Variants in FMN1 observed in about 807,000 individuals in gnomAD.
FMN1 encodes the protein formin 1.
FMN1 carries 110 observed loss-of-function variants against 132.4 expected under a neutral mutation model. That is an observed-to-expected ratio of 0.83 (90% CI 0.71 to 0.97). The LOEUF is 0.97. FMN1 is among the 50% of genes least tolerant of loss of function. The pLI, the probability that FMN1 is intolerant of heterozygous loss-of-function variation, is 0.00. For synonymous variants in FMN1, 722 were observed against 651.7 expected (o/e 1.11, Z -1.64); for missense variants, 1,792 against 1,705.3 (o/e 1.05, Z -0.90).
intron 7 of FMN1, among the ~76,000 whole-genome samples, chr15:32,995,858 G>GC (rs1450419832): frequency 6.6e-5 from 10 of 152,168 alleles, no homozygotes; most frequent in Non-Finnish European, 2.9e-5. Flanking sequence ...TAAAACTATG[G>GC]CAACAGTAAT....
chr15:33,146,825 G>C (rs1443412252), intron 4 of FMN1, among the ~76,000 whole-genome samples: 1 of 152,154 alleles, frequency 6.6e-6, no homozygotes, highest in South Asian at 2.1e-4. Flanking sequence ...CAAGAGGAAG[G>C]GGGTGGGGCC....
intron 16 of FMN1, among the ~76,000 whole-genome samples, chr15:32,857,743 A>G (rs1368267748): frequency 6.6e-6 from 1 of 152,232 alleles, no homozygotes; most frequent in Non-Finnish European, 1.5e-5. Context: ...TTTGTAATAG[A>G]GTACTTTTTG....
At chr15:33,044,975 T>C (rs2036610024) in intron 6 of FMN1, among the ~76,000 whole-genome samples, 1 of 152,184 alleles carries the variant, frequency 6.6e-6, no homozygotes, top group South Asian at 2.1e-4. Context: ...AACATGCCCC[T>C]TGCTTGCCAC....
chr15:32,903,433 A>C (rs2060344403), intron 12 of FMN1, among the ~76,000 whole-genome samples: 1 of 152,206 alleles, frequency 6.6e-6, no homozygotes, highest in Non-Finnish European at 1.5e-5. Context: ...AGAAGCAAAA[A>C]GCTCACAAGA....
chr15:32,997,748 A>AT (rs2033860169), intron 7 of FMN1, among the ~76,000 whole-genome samples: 1 of 151,896 alleles, frequency 6.6e-6, no homozygotes, highest in Non-Finnish European at 1.5e-5. Context: ...ACCATACCCA[A>AT]TTTTTTACAC....
chr15:33,040,918 G>T (rs2036405149), intron 6 of FMN1, among the ~76,000 whole-genome samples: 1 of 152,162 alleles, frequency 6.6e-6, no homozygotes, highest in African/African-American at 2.4e-5. Flanking sequence ...AGAGTCACTG[G>T]ATACTTTGGT....
intron 10 of FMN1, among the ~76,000 whole-genome samples, chr15:32,925,965 T>C (rs1451226213): frequency 2.0e-5 from 3 of 152,180 alleles, no homozygotes; most frequent in Non-Finnish European, 4.4e-5. Context: ...AGATGACTTA[T>C]AAAGCATCTG....
chr15:33,081,089 G>A (rs756793973), intron 5 of FMN1, among the ~76,000 whole-genome samples: 11 of 152,128 alleles, frequency 7.2e-5, no homozygotes, highest in Middle Eastern at 6.8e-3. Context: ...CTGCACGGAG[G>A]GTACTCCACG....
chr15:32,896,150 CAT>C (rs1291647512), intron 15 of FMN1, among the ~76,000 whole-genome samples: 7 of 152,084 alleles, frequency 4.6e-5, no homozygotes, highest in African/African-American at 1.4e-4. Context: ...ATACTTGACA[CAT>C]ATTTATTTAG....
intron 16 of FMN1, among the ~76,000 whole-genome samples, chr15:32,873,865 GTC>G (rs2059574996): frequency 6.6e-6 from 1 of 152,082 alleles, no homozygotes; most frequent in African/African-American, 2.4e-5. Context: ...CAAGGAATTT[GTC>G]TCTGTCTTTG....
intron 19 of FMN1, among the ~76,000 whole-genome samples, chr15:32,783,559 C>T (rs984618421): frequency 6.6e-6 from 1 of 151,870 alleles, no homozygotes; most frequent in Admixed American, 6.6e-5. Flanking sequence ...CTGGCTAACA[C>T]AGTGAATCCC....
intron 6 of FMN1, among the ~76,000 whole-genome samples, chr15:33,054,627 G>A (rs1000225769): frequency 4.6e-5 from 7 of 152,192 alleles, no homozygotes; most frequent in South Asian, 4.1e-4. Context: ...TGAAATGGTC[G>A]CAATAGATTA....
intron 15 of FMN1, among the ~76,000 whole-genome samples, chr15:32,890,970 C>G (rs4779596): frequency 0.19 from 28,606 of 152,122 alleles, 2,834 homozygotes; most frequent in East Asian, 0.22. Context: ...AGCCAATTAT[C>G]CCAGCACCAT....
At chr15:32,938,843 C>T (rs2061337650) in intron 9 of FMN1, among the ~76,000 whole-genome samples, 1 of 152,108 alleles carries the variant, frequency 6.6e-6, no homozygotes, top group Non-Finnish European at 1.5e-5. Context: ...TTATTAGTCA[C>T]ATCTTATGAA....
In FMN1 at chr15:32,900,087, A is replaced by G. The variant is rs190708072; in HGVS notation, c.3546T>C (p.Ala1182=). Residue 1182 remains alanine (A), a synonymous_variant, in exon 14 of 21, where the codon GCT becomes GCC. Transcript: ENST00000616417. The part of the protein sequence containing the change: ...LHVKSVKDIL[A]LILAFGNYMN... ...TATAATTTCCAAAAGCCAAGATGAG[A>G]GCTAAAATATCCTTCACGCTCTTCA... 3 of 1,613,836 alleles carry G rather than the reference A, an allele frequency of 1.9e-6. No individual in the cohort carries two copies. Among genetic ancestry groups the G allele is most frequent in the Non-Finnish European group, 8.5e-7 (1 of 1,179,842 alleles).
intron 16 of FMN1, among the ~76,000 whole-genome samples, chr15:32,862,034 C>T (rs1055543429): frequency 6.6e-6 from 1 of 152,128 alleles, no homozygotes; most frequent in African/African-American, 2.4e-5. Context: ...GGCTGCCCTC[C>T]GACGGTCCCC....
intron 7 of FMN1, among the ~76,000 whole-genome samples, chr15:32,991,000 A>G (rs2033401136): frequency 6.6e-6 from 1 of 152,158 alleles, no homozygotes; most frequent in Non-Finnish European, 1.5e-5. Flanking sequence ...GGGCGGGGAC[A>G]CAGCCAAACC....
rs867788342 is a variant in FMN1 at position 32,910,536 on chromosome 15, C to A, written c.3227-1G>T. 6.4e-7 allele frequency: 1 copy of A among 1,566,148 alleles called. No homozygotes were observed. Among genetic ancestry groups the A allele is most frequent in the Non-Finnish European group, 8.7e-7 (1 of 1,154,678 alleles). Reference sequence around the variant, plus strand: ...ACGGAGTCATCCACATTGAAAATGGCTGCCAAGCACCCAAAAAGAAAAGAG... The same window carrying A: ...ACGGAGTCATCCACATTGAAAATGGATGCCAAGCACCCAAAAAGAAAAGAG... On this transcript the variant is annotated splice_acceptor_variant, in intron 10 of 20. Transcript: ENST00000616417. LOFTEE classifies it high-confidence loss of function.
At chr15:32,852,127 C>T (rs1415504186) in intron 17 of FMN1, among the ~76,000 whole-genome samples, 1 of 152,156 alleles carries the variant, frequency 6.6e-6, no homozygotes, top group Admixed American at 6.5e-5. Flanking sequence ...TCATCTAGCT[C>T]TCTCCCATGA....
Sources: allele counts gnomAD v4.1 joint callset (sites outside exome capture counted in the v4.1 genomes callset), GRCh38; gene constraint gnomAD v4.1.1; transcripts MANE v1.5; gene names NCBI Gene and HGNC (gene_info 2026-07-23, HGNC 2026-07-21).